The following CSMD1 variants were observed in gnomAD, a reference collection of about 807,000 sequenced individuals.
The protein encoded by CSMD1 is CUB and sushi domain-containing protein 1.
Under a neutral mutation model 417.5 loss-of-function variants are expected in CSMD1, and 213 were observed. The observed-to-expected ratio is 0.51, with a 90% CI of 0.46 to 0.57. The LOEUF (loss-of-function observed/expected upper bound fraction) is 0.57, where lower values mean the gene tolerates loss of function less well. Among genes scored for constraint, CSMD1 ranks in the 20% least tolerant of loss-of-function variants. The pLI, the probability that CSMD1 is intolerant of heterozygous loss-of-function variation, is 0.00. For synonymous variants in CSMD1, 2,862 were observed against 1,736.8 expected (o/e 1.65, Z -16.11); for missense variants, 6,923 against 4,529.7 (o/e 1.53, Z -15.17).
chr8:4,448,067 T>C (rs1221427045), intron 2 of CSMD1, among the ~76,000 whole-genome samples: 3 of 152,190 alleles, frequency 2.0e-5, no homozygotes, highest in Non-Finnish European at 2.9e-5. Flanking sequence ...CCCCTAAGCT[T>C]AGCTGTCCAG....
intron 5 of CSMD1, among the ~76,000 whole-genome samples, chr8:3,983,439 C>G (rs1415267870): frequency 6.6e-6 from 1 of 152,042 alleles, no homozygotes; most frequent in Non-Finnish European, 1.5e-5. Flanking sequence ...CGCAGCCTCC[C>G]ACATCTAAAA....
intron 5 of CSMD1, among the ~76,000 whole-genome samples, chr8:3,766,961 A>C (rs914896509): frequency 6.6e-6 from 1 of 152,204 alleles, no homozygotes; most frequent in Non-Finnish European, 1.5e-5. Context: ...AGCACGGCTA[A>C]TGCAATCATA....
In CSMD1 at chr8:3,201,678, C is replaced by G; in HGVS notation, c.5032G>C (p.Ala1678Pro). The G allele has an allele frequency of 6.2e-7, 1 of 1,605,890 alleles. No individual in the cohort carries two copies. Residue 1678 changes from alanine to proline, a missense_variant, in exon 32 of 70, where the codon GCA becomes CCA. Physicochemically the swap from Ala to Pro is conservative, Grantham distance 27 (BLOSUM62 -1). Transcript: ENST00000635120. ...GCATGGGTTCCATCAAATAATTCTG[C>G]CAAATCATTCAGGGCTGTCTGGAAA... ...AYFQTALNDL[A>P]ELFDGTHAQA...
Position 2,973,301 on chromosome 8 carries a change from T to TA in CSMD1, c.8741-3dup. On this transcript the variant is annotated splice_region_variant and splice_polypyrimidine_tract_variant and intron_variant, in intron 56 of 69. Coordinates refer to ENST00000635120, the MANE Select transcript of CSMD1 (RefSeq NM_033225.6). ...CACCACAGAATCCAGGATTATTTCC[T>TA]ATTGAAAACAAACACATACGGCAAT... 1.9e-6 allele frequency: 3 copies of TA among 1,613,344 alleles called. No individual in the cohort carries two copies. The highest frequency in any genetic ancestry group is 2.5e-6 in the Non-Finnish European group (3 of 1,179,412).
At chr8:4,734,722 T>C (rs1810118418) in intron 1 of CSMD1, among the ~76,000 whole-genome samples, 1 of 152,194 alleles carries the variant, frequency 6.6e-6, no homozygotes, top group Admixed American at 6.5e-5. Context: ...CATCTATTGT[T>C]TTCATAGGCA....
At chr8:4,342,895 G>A (rs912673572) in intron 3 of CSMD1, among the ~76,000 whole-genome samples, 1 of 152,002 alleles carries the variant, frequency 6.6e-6, no homozygotes, top group East Asian at 1.9e-4. Flanking sequence ...GAGAAGCAAA[G>A]GACTTATGTT....
chr8:3,230,204 G>A lies in CSMD1; in HGVS notation c.4181C>T (p.Pro1394Leu), dbSNP rs769578370. ...STSIAATCND[P>L]GMPQNGTRYG... ...GCGGGTGCCATTTTGGGGCATACCT[G>A]GATCGTTACAGGTGGCTGCAATTGA... Residue 1394 changes from proline to leucine, a missense_variant, in exon 27 of 70, where the codon CCA becomes CTA. Coordinates refer to ENST00000635120, the MANE Select transcript of CSMD1 (RefSeq NM_033225.6). The A allele has an allele frequency of 1.2e-6, 2 of 1,606,428 alleles. No individual in the cohort carries two copies. The highest frequency in any genetic ancestry group is 1.7e-6 in the Non-Finnish European group (2 of 1,176,140).
intron 10 of CSMD1, among the ~76,000 whole-genome samples, chr8:3,536,338 T>G (rs1027125712): frequency 1.3e-5 from 2 of 152,224 alleles, no homozygotes; most frequent in African/African-American, 4.8e-5. Context: ...GTGGCTTCAA[T>G]TAATGTTAAC....
intron 12 of CSMD1, among the ~76,000 whole-genome samples, chr8:3,418,159 G>C (rs936079370): frequency 1.3e-5 from 2 of 152,160 alleles, no homozygotes; most frequent in Non-Finnish European, 2.9e-5. Context: ...GATTCCAAAG[G>C]TGTAGTCAAA....
intron 26 of CSMD1, among the ~76,000 whole-genome samples, chr8:3,268,578 G>A (rs1376468570): frequency 6.6e-6 from 1 of 152,090 alleles, no homozygotes; most frequent in Non-Finnish European, 1.5e-5. Flanking sequence ...GAGCCACCGT[G>A]CCAGGCCCAG....
intron 1 of CSMD1, among the ~76,000 whole-genome samples, chr8:4,700,861 A>G (rs75563573): frequency 1.3e-5 from 2 of 152,206 alleles, no homozygotes; most frequent in South Asian, 2.1e-4. Flanking sequence ...AGGATGAAGA[A>G]CAATAGACCT....
At chr8:3,046,611 G>A (rs925604813) in intron 50 of CSMD1, among the ~76,000 whole-genome samples, 15 of 152,192 alleles carry the variant, frequency 9.9e-5, no homozygotes, top group African/African-American at 2.9e-4. Context: ...CTCCACCACG[G>A]TACAGTGTAC....
At chr8:3,078,910 T>A (rs367903238) in intron 49 of CSMD1, among the ~76,000 whole-genome samples, 163 of 152,298 alleles carry the variant, frequency 1.1e-3, no homozygotes, top group African/African-American at 3.7e-3. Context: ...GGGCTCCTGT[T>A]CTTAGCTGGC....
intron 5 of CSMD1, among the ~76,000 whole-genome samples, chr8:3,833,777 T>C (rs371873591): frequency 6.6e-6 from 1 of 152,234 alleles, no homozygotes; most frequent in South Asian, 2.1e-4. Flanking sequence ...TCTCTTCTCT[T>C]GGTAAACTTG....
intron 1 of CSMD1, among the ~76,000 whole-genome samples, chr8:4,954,164 G>C (rs936138420): frequency 3.9e-5 from 6 of 151,998 alleles, no homozygotes; most frequent in Non-Finnish European, 7.4e-5. Context: ...CCAACTATTT[G>C]CCATTTAGAA....
chr8:3,404,779 G>A (rs533176751), intron 15 of CSMD1, among the ~76,000 whole-genome samples: 1 of 136,132 alleles, frequency 7.3e-6, no homozygotes, highest in East Asian at 2.7e-4. Flanking sequence ...ACATGTGCCT[G>A]CATCCTCTGT....
intron 6 of CSMD1, among the ~76,000 whole-genome samples, chr8:3,726,739 G>A (rs542290957): frequency 6.6e-6 from 1 of 152,246 alleles, no homozygotes; most frequent in African/African-American, 2.4e-5. Flanking sequence ...GAGGGAACTT[G>A]CCAGTCCAGT....
intron 1 of CSMD1, among the ~76,000 whole-genome samples, chr8:4,709,448 T>C (rs538000440): frequency 1.3e-5 from 2 of 152,194 alleles, no homozygotes; most frequent in Admixed American, 6.5e-5. Context: ...ACACAGGAAA[T>C]AGAGGGACTC....
intron 5 of CSMD1, among the ~76,000 whole-genome samples, chr8:3,881,471 C>T (rs1257719739): frequency 6.6e-6 from 1 of 151,320 alleles, no homozygotes; most frequent in Non-Finnish European, 1.5e-5. Context: ...CCTGTCTCTA[C>T]TAAAAATACA....
Sources: allele counts gnomAD v4.1 joint callset (sites outside exome capture counted in the v4.1 genomes callset), GRCh38; gene constraint gnomAD v4.1.1; transcripts MANE v1.5; gene names NCBI Gene and HGNC (gene_info 2026-07-23, HGNC 2026-07-21).